AACS: variants seen among roughly 807,000 people sequenced by gnomAD.
The protein encoded by AACS is acetoacetate-CoA ligase.
Under a neutral mutation model 83.1 loss-of-function variants are expected in AACS, and 69 were observed. That is an observed-to-expected ratio of 0.83 (90% confidence interval 0.68 to 1.01). The LOEUF is 1.01. AACS is among the 50% of genes least tolerant of loss of function. The probability of loss-of-function intolerance (pLI) is 0.00; values close to 1 mark genes in which losing one functional copy is unlikely to be tolerated. For synonymous variants in AACS, 333 were observed against 343.4 expected, an observed-to-expected ratio of 0.97 and a Z score of 0.33; for missense variants, 866 against 882.2, an observed-to-expected ratio of 0.98 and a Z score of 0.23.
chr12:125,131,219 A>C (rs1447998424), intron 14 of AACS, among the ~76,000 whole-genome samples: 1 of 152,104 alleles, frequency 6.6e-6, no homozygotes, highest in East Asian at 1.9e-4. Context: ...TAAATTTTAA[A>C]TTTTTATTTT....
Position 125,102,715 on chromosome 12 carries a change from C to T in AACS, c.607C>T (p.Leu203Phe), listed in dbSNP as rs762391429. ...LDRFSQIQPKLIFSVEAVVYN... is the reference protein window; with the variant it reads ...LDRFSQIQPKFIFSVEAVVYN... ...CCGGTTTTCTCAAATTCAGCCAAAG[C>T]TCATCTTCTCTGTGGAGGCTGTTGT... The change falls in exon 6 of 18, where the codon CTC becomes TTC. Residue 203 changes from leucine to phenylalanine, a missense_variant. By Grantham distance (22) the Leu-to-Phe change is conservative (BLOSUM62 0). Coordinates refer to ENST00000316519, the MANE Select transcript of AACS (RefSeq NM_023928.5). The T allele has an allele frequency of 2.5e-6, 4 of 1,614,038 alleles. No individual in the cohort carries two copies. The highest frequency in any genetic ancestry group is 1.7e-5 in the Admixed American group (1 of 60,006).
chr12:125,071,651 AGT>A (rs946785955), intron 1 of AACS, among the ~76,000 whole-genome samples: 1 of 151,988 alleles, frequency 6.6e-6, no homozygotes, highest in Non-Finnish European at 1.5e-5. Flanking sequence ...GGAGCAGAAG[AGT>A]GTGTCTGAAG....
intron 5 of AACS, among the ~76,000 whole-genome samples, chr12:125,096,117 A>C (rs984416736): frequency 2.0e-5 from 3 of 152,108 alleles, no homozygotes; most frequent in African/African-American, 7.2e-5. Flanking sequence ...GGCGCCTGCC[A>C]CCATATCCAG....
At chr12:125,127,985 A>T in intron 12 of AACS, 176 bp from the exon 13 acceptor site, 1 of 451,174 alleles carries the variant, frequency 2.2e-6, no homozygotes, top group Non-Finnish European at 3.9e-6. Context: ...TCTAATTTCC[A>T]TATCACCTCT....
rs1395736894 is a variant in AACS at position 125,118,716 on chromosome 12, C to G, written c.1072C>G (p.Pro358Ala). 6 of 1,614,000 alleles carry G rather than the reference C, an allele frequency of 3.7e-6. No homozygotes were observed. Among genetic ancestry groups the G allele is most frequent in the Non-Finnish European group, 3.4e-6 (4 of 1,179,996 alleles). ...GAAMVLYDGS[P>A]LVPTPNVLWD... ...GGCCATGGTCTTGTACGATGGCTCC[C>G]CCCTGGTGCCCACGCCCAATGTGCT... Residue 358 changes from proline (P) to alanine (A), a missense_variant, in exon 10 of 18, where the codon CCC becomes GCC. Transcript: ENST00000316519.
rs187849085 is a variant in AACS at position 125,111,297 on chromosome 12, A to G, written c.916-3180A>G. 4.1e-3 allele frequency among the ~76,000 whole-genome samples: 568 copies of G among 139,398 alleles called. 5 individuals are homozygous for G. Among genetic ancestry groups the G allele is most frequent in the African/African-American group, 0.015 (550 of 37,822 alleles). The allele number at this position is 139,398 out of a possible 152,430, so 91.5% of individuals were successfully genotyped here. A position where few individuals can be genotyped will look rare whatever the true frequency, so the allele number is the denominator to read the frequency against. On this transcript the variant is annotated intron_variant, in intron 8 of 17. Transcript: ENST00000316519. ...AGATGAGCATTTTTAGAAATCTTGCAGACAAGGGTCGGGGCGGGGGCGGGT... is the reference window on the plus strand; with the variant it reads ...AGATGAGCATTTTTAGAAATCTTGCGGACAAGGGTCGGGGCGGGGGCGGGT...
In AACS at chr12:125,142,085, C is replaced by T. The variant is rs1474414100; in HGVS notation, c.1882-7C>T. On this transcript the variant is annotated splice_polypyrimidine_tract_variant and splice_region_variant and intron_variant, in intron 17 of 17. Transcript: ENST00000316519. Reference sequence around the variant, plus strand: ...AATGTTCCTGTTTTTCTACCTTTCCCTCGCAGTATACGCTCAACGGCAAGA... The same window carrying T: ...AATGTTCCTGTTTTTCTACCTTTCCTTCGCAGTATACGCTCAACGGCAAGA... The T allele has an allele frequency of 6.2e-7, 1 of 1,613,968 alleles. No homozygotes were observed. The highest frequency in any genetic ancestry group is 1.3e-5 in the African/African-American group (1 of 74,998).
At chr12:125,134,910 C>A in intron 16 of AACS, 58 bp downstream of exon 16, 1 of 1,597,018 alleles carries the variant, frequency 6.3e-7, no homozygotes, top group Non-Finnish European at 8.6e-7. Flanking sequence ...AGGGTCCTGG[C>A]GGGAGCCCCA....
At chr12:125,110,883 A>G (rs945441139) in intron 8 of AACS, among the ~76,000 whole-genome samples, 18 of 152,352 alleles carry the variant, frequency 1.2e-4, no homozygotes, top group African/African-American at 4.3e-4. Context: ...GGCTTTTTAC[A>G]GAGTATTTTC....
At position 125,107,152 on chromosome 12, in the gene AACS, A is replaced by G; in HGVS notation, c.799A>G (p.Thr267Ala). Residue 267 changes from threonine (T) to alanine (A), a missense_variant, in exon 8 of 18, where the codon ACC becomes GCC. Transcript: ENST00000316519. ...TCTGGATGACTTTCTTGCCACCGGC[A>G]CCAGTGAGCAGGCCCCGCAGCTGGA... ...VFLDDFLATG[T>A]SEQAPQLEFE... 1 of 1,614,172 alleles carries G rather than the reference A, an allele frequency of 6.2e-7. No homozygotes were observed.
At chr12:125,141,627 G>A (rs1423898451) in intron 17 of AACS, 1 of 154,196 alleles carries the variant, frequency 6.5e-6, no homozygotes, top group Admixed American at 6.4e-5. Flanking sequence ...AACCTGGGAG[G>A]GGGAGCTTGC....
At chr12:125,071,228 AAG>A (rs1161555853) in intron 1 of AACS, among the ~76,000 whole-genome samples, 2 of 152,188 alleles carry the variant, frequency 1.3e-5, no homozygotes, top group African/African-American at 4.8e-5. Flanking sequence ...CAGGTGACCC[AAG>A]AGAGCCATGT....
chr12:125,067,833 C>T (rs946721777), intron 1 of AACS, among the ~76,000 whole-genome samples: 3 of 152,176 alleles, frequency 2.0e-5, no homozygotes, highest in African/African-American at 4.8e-5. Context: ...CGTGCTCGGC[C>T]GACTACCTGG....
rs138771194 is a variant in AACS at position 125,136,826 on chromosome 12, C to T, written c.1843C>T (p.His615Tyr). ...CATCCGCATGGGCTTGTCTGCGCGA[C>T]ACGTGCCCAGCCTCATCCTGGAAAC... ...DAIRMGLSAR[H>Y]VPSLILETKG... The change falls in exon 17 of 18, where the codon CAC becomes TAC. Residue 615 changes from histidine (H) to tyrosine (Y), a missense_variant. Physicochemically the swap from His to Tyr is moderately conservative, Grantham distance 83. Transcript: ENST00000316519. 1 of 1,613,886 alleles carries T rather than the reference C, an allele frequency of 6.2e-7. No individual in the cohort carries two copies. Among genetic ancestry groups the T allele is most frequent in the Non-Finnish European group, 8.5e-7 (1 of 1,180,038 alleles).
At chr12:125,124,857 A>G (rs1565950891) in intron 11 of AACS, 45 bp from the exon 12 acceptor site, 2 of 1,614,034 alleles carry the variant, frequency 1.2e-6, no homozygotes, top group Non-Finnish European at 8.5e-7. Flanking sequence ...GTGAGGCTTC[A>G]GGCACTGGGT....
intron 7 of AACS, 31 bp from the exon 8 acceptor site, chr12:125,107,090 A>C: frequency 1.2e-6 from 2 of 1,613,748 alleles, no homozygotes; most frequent in South Asian, 1.1e-5. Flanking sequence ...TGGGACGTTC[A>C]TGGCGTGTTT....
At chr12:125,082,606 A>G (rs1956220499) in intron 3 of AACS, among the ~76,000 whole-genome samples, 1 of 151,932 alleles carries the variant, frequency 6.6e-6, no homozygotes, top group Non-Finnish European at 1.5e-5. Context: ...GTGGATCACA[A>G]GGTCAGGAGT....
intron 4 of AACS, among the ~76,000 whole-genome samples, chr12:125,090,158 T>A (rs1956440056): frequency 1.3e-4 from 1 of 7,648 alleles, no homozygotes; most frequent in African/African-American, 4.8e-4. Flanking sequence ...CATCCATCTA[T>A]CCATCCATCC....
At chr12:125,073,164 G>C (rs572373192) in intron 1 of AACS, among the ~76,000 whole-genome samples, 1 of 152,030 alleles carries the variant, frequency 6.6e-6, no homozygotes, top group South Asian at 2.1e-4. Flanking sequence ...TCCTGACCTG[G>C]TGATCCACCT....
Sources: allele counts gnomAD v4.1 joint callset (sites outside exome capture counted in the v4.1 genomes callset), GRCh38; gene constraint gnomAD v4.1.1; transcripts MANE v1.5; gene names NCBI Gene and HGNC (gene_info 2026-07-23, HGNC 2026-07-21).